Variants in RGS12 observed in about 807,000 individuals in gnomAD.
RGS12 encodes regulator of G protein signaling 12, also known as regulator of G-protein signaling 12.
Under a neutral mutation model 120.1 loss-of-function variants are expected in RGS12, and 66 were observed. The ratio of observed to expected loss-of-function variants is 0.55; its 90% CI spans 0.45 to 0.67. The LOEUF is 0.67. Ranked by LOEUF, RGS12 falls within the 30% of genes least tolerant of loss-of-function variation. The pLI, the probability that RGS12 is intolerant of heterozygous loss-of-function variation, is 0.00. For synonymous variants in RGS12, 827 were observed against 804.7 expected (o/e 1.03, Z -0.47); for missense variants, 1,859 against 1,957.7 (o/e 0.95, Z 0.95).
intron 3 of RGS12, among the ~76,000 whole-genome samples, chr4:3,377,581 T>C (rs897983985): frequency 6.6e-6 from 1 of 152,262 alleles, no homozygotes; most frequent in African/African-American, 2.4e-5. Flanking sequence ...CAATAGAATT[T>C]GGAAATTATG....
chr4:3,408,283 A>G (rs561134916), intron 4 of RGS12, among the ~76,000 whole-genome samples: 18 of 152,192 alleles, frequency 1.2e-4, no homozygotes, highest in East Asian at 7.7e-4. Flanking sequence ...ACTGTGCACT[A>G]TTTTCCACGT....
In RGS12 at chr4:3,317,957, A is replaced by G. The variant is rs1400588946; in HGVS notation, c.1787A>G (p.Asn596Ser). The G allele has an allele frequency of 1.9e-6, 3 of 1,614,012 alleles. No homozygotes were observed. Among genetic ancestry groups the G allele is most frequent in the African/African-American group, 2.7e-5 (2 of 74,936 alleles). ...VEGSFAQPPLNAPKREWSRKA... is the reference protein window; with the variant it reads ...VEGSFAQPPLSAPKREWSRKA... Reference sequence around the variant, plus strand: ...GGCAGCTTCGCGCAGCCCCCGCTGAATGCCCCGAAGAGGGAGTGGTCCAGG... The same window carrying G: ...GGCAGCTTCGCGCAGCCCCCGCTGAGTGCCCCGAAGAGGGAGTGGTCCAGG... The change falls in exon 2 of 18, where the codon AAT becomes AGT. Residue 596 changes from asparagine (N) to serine (S), a missense_variant. Transcript: ENST00000336727.
intron 2 of RGS12, among the ~76,000 whole-genome samples, chr4:3,333,038 C>G (rs1712038428): frequency 6.7e-6 from 1 of 149,700 alleles, no homozygotes; most frequent in Non-Finnish European, 1.5e-5. Flanking sequence ...GTTGGTCAGG[C>G]TGGTCTCAAA....
intron 3 of RGS12, among the ~76,000 whole-genome samples, chr4:3,358,580 TTAA>T (rs1435061058): frequency 7.9e-5 from 12 of 152,266 alleles, no homozygotes; most frequent in Admixed American, 1.3e-4. Context: ...TTTGCATCAG[TTAA>T]TGATGTGATT....
rs1393209828 is a variant in RGS12, at chr4:3,422,420, C to T, written c.2883C>T (p.Thr961=). The change falls in exon 11 of 18, where the codon ACC becomes ACT. Residue 961 remains threonine, a synonymous_variant. Transcript: ENST00000336727. ...RTLAPEKDKA[T]KHCCIHLPDG... ...TGGCACCCGAGAAGGACAAGGCCAC[C>T]AAGCACTGCTGCATTCATCTCCCGG... The T allele has an allele frequency of 3.1e-6, 5 of 1,612,840 alleles. No individual in the cohort carries two copies. Among genetic ancestry groups the T allele is most frequent in the Non-Finnish European group, 4.2e-6 (5 of 1,179,898 alleles).
At chr4:3,325,694 G>A (rs1725511085) in intron 2 of RGS12, among the ~76,000 whole-genome samples, 1 of 151,946 alleles carries the variant, frequency 6.6e-6, no homozygotes, top group African/African-American at 2.4e-5. Flanking sequence ...ATTTTATGAG[G>A]CCAGTATCAC....
chr4:3,428,822 C>A, intron 16 of RGS12, 111 bp downstream of exon 16: 1 of 919,376 alleles, frequency 1.1e-6, no homozygotes, highest in Non-Finnish European at 1.6e-6. Context: ...GCGGTCCGTC[C>A]CTGTGGCCTG....
At chr4:3,291,964 G>A (rs1180804881), upstream of RGS12, among the ~76,000 whole-genome samples, 1 of 152,330 alleles carries the variant, frequency 6.6e-6, no homozygotes, top group East Asian at 1.9e-4. Context: ...CTAGATGATG[G>A]AGAGCTGCCA....
chr4:3,323,279 C>G (rs867206164), intron 2 of RGS12, among the ~76,000 whole-genome samples: 4 of 152,228 alleles, frequency 2.6e-5, no homozygotes, highest in African/African-American at 9.6e-5. Context: ...CTCATCATCT[C>G]ATTCTCCACC....
chr4:3,391,488 C>T (rs1171084347), intron 4 of RGS12, among the ~76,000 whole-genome samples: 2 of 152,228 alleles, frequency 1.3e-5, no homozygotes, highest in Non-Finnish European at 2.9e-5. Context: ...TGAGAATTGA[C>T]TCAGGGCTGG....
In RGS12 at chr4:3,317,621, C is replaced by T. The variant is rs1186037677; in HGVS notation, c.1451C>T (p.Pro484Leu). The change falls in exon 2 of 18, where the codon CCC becomes CTC. Residue 484 changes from proline (P) to leucine (L), a missense_variant. By Grantham distance (98) the Pro-to-Leu change is moderately conservative (BLOSUM62 -3). Transcript: ENST00000336727. ...GPFCPDPEGS[P>L]PFEAAHQTDR... The stretch of plus-strand genomic sequence containing the variant: ...TTCTGTCCGGACCCCGAAGGGAGCC[C>T]CCCATTTGAGGCCGCTCATCAGACT... 2 of 1,586,914 alleles carry T rather than the reference C, an allele frequency of 1.3e-6. No homozygotes were observed. The highest frequency in any genetic ancestry group is 1.3e-5 in the African/African-American group (1 of 74,224).
Position 3,439,738 on chromosome 4 carries a change from G to T in RGS12, c.*54G>T. ...GGACATGTCGGGGTGGGGCAGCCCA[G>T]GTGGATTCTGTGGGCCTCAGGGGGG... On this transcript the variant is annotated 3_prime_UTR_variant, in exon 18 of 18. Coordinates refer to ENST00000336727, the MANE Select transcript of RGS12 (RefSeq NM_001394154.1). 2 of 1,434,238 alleles carry T rather than the reference G, an allele frequency of 1.4e-6. No individual in the cohort carries two copies. Among genetic ancestry groups the T allele is most frequent in the South Asian group, 1.5e-5 (1 of 67,460 alleles). The allele number at this position is 1,434,238 out of a possible 1,614,324, so 88.8% of individuals were successfully genotyped here. A position where few individuals can be genotyped will look rare whatever the true frequency, so the allele number is the denominator to read the frequency against.
chr4:3,311,073 C>G (rs1419158766), intron 1 of RGS12, among the ~76,000 whole-genome samples: 2 of 152,096 alleles, frequency 1.3e-5, no homozygotes. Flanking sequence ...TGGCGGCTGC[C>G]ATTGCAGCCC....
intron 3 of RGS12, among the ~76,000 whole-genome samples, chr4:3,382,294 G>T (rs1440541268): frequency 2.0e-5 from 3 of 152,234 alleles, no homozygotes; most frequent in South Asian, 2.1e-4. Context: ...GAACCGCAAG[G>T]TGCCCTCTCC....
intron 3 of RGS12, among the ~76,000 whole-genome samples, chr4:3,361,738 G>A (rs1295113322): frequency 6.6e-6 from 1 of 152,214 alleles, no homozygotes; most frequent in Non-Finnish European, 1.5e-5. Flanking sequence ...TTCTGCAAGG[G>A]AGGCAGTGAC....
chr4:3,406,450 C>T (rs1327066800), intron 4 of RGS12, among the ~76,000 whole-genome samples: 5 of 152,204 alleles, frequency 3.3e-5, no homozygotes, highest in Non-Finnish European at 7.3e-5. Context: ...GTGGCAGTGT[C>T]CATCCGGGAG....
chr4:3,429,990 C>T (rs893295267), intron 16 of RGS12, among the ~76,000 whole-genome samples: 29 of 152,304 alleles, frequency 1.9e-4, no homozygotes, highest in African/African-American at 6.0e-4. Context: ...AGCTGGGACC[C>T]GGGCGGGTGC....
At chr4:3,428,928 CA>C (rs1723957495) in intron 16 of RGS12, among the ~76,000 whole-genome samples, 1 of 152,316 alleles carries the variant, frequency 6.6e-6, no homozygotes, top group South Asian at 2.1e-4. Flanking sequence ...CCTAGGGCAT[CA>C]GGGGCAGCCG....
intron 1 of RGS12, among the ~76,000 whole-genome samples, chr4:3,303,770 C>G: frequency 6.6e-6 from 1 of 152,248 alleles, no homozygotes; most frequent in South Asian, 2.1e-4. Flanking sequence ...GTTAGCACAA[C>G]TATTTCTTCA....
Sources: allele counts gnomAD v4.1 joint callset (sites outside exome capture counted in the v4.1 genomes callset), GRCh38; gene constraint gnomAD v4.1.1; transcripts MANE v1.5; gene names NCBI Gene and HGNC (gene_info 2026-07-23, HGNC 2026-07-21).